The following KCNMA1 variants were observed in gnomAD, a reference collection of about 807,000 sequenced individuals.
KCNMA1 encodes Calcium-activated potassium channel subunit alpha-1.
Under a neutral mutation model 140.0 loss-of-function variants are expected in KCNMA1, and 29 were observed. The observed-to-expected ratio is 0.21, with a 90% CI of 0.15 to 0.28. The LOEUF (loss-of-function observed/expected upper bound fraction) is 0.28, where lower values mean the gene tolerates loss of function less well. KCNMA1 is among the 10% of genes least tolerant of loss of function. The pLI is 1.00. For synonymous variants in KCNMA1, 612 were observed against 611.9 expected, an observed-to-expected ratio of 1.00 and a Z score of 0.00; for missense variants, 880 against 1,602.2, an observed-to-expected ratio of 0.55 and a Z score of 7.70.
intron 1 of KCNMA1, among the ~76,000 whole-genome samples, chr10:77,572,569 C>CTATCTATATAT (rs2071879711): frequency 5.3e-5 from 2 of 37,568 alleles, no homozygotes; most frequent in African/African-American, 2.2e-4. Flanking sequence ...AAAAAAAATC[C>CTATCTATATAT]ATATATATAT....
chr10:77,456,728 G>T (rs948978725), intron 1 of KCNMA1, among the ~76,000 whole-genome samples: 1 of 152,158 alleles, frequency 6.6e-6, no homozygotes, highest in African/African-American at 2.4e-5. Flanking sequence ...CTGCAGAAGT[G>T]CACTGTGGAA....
At chr10:77,420,575 C>T (rs888733912) in intron 1 of KCNMA1, among the ~76,000 whole-genome samples, 4 of 152,174 alleles carry the variant, frequency 2.6e-5, no homozygotes, top group South Asian at 2.1e-4. Context: ...ATCAGTCTCC[C>T]GGCTAAGAAC....
rs371849929 is a variant in KCNMA1, at chr10:77,166,411, A to G, written c.808+17010T>C. On this transcript the variant is annotated intron_variant, in intron 5 of 27. Transcript: ENST00000286628. The stretch of plus-strand genomic sequence containing the variant: ...CTTTGTGGTGGATACTGGGCAACAG[A>G]TGTGGTAAGAAGGGGAGCAGCCCAA... Among the ~76,000 whole-genome samples the G allele has an allele frequency of 5.3e-5, 8 of 152,286 alleles. No individual in the cohort carries two copies. The East Asian group carries it at 1.2e-3, about 22-fold the overall frequency.
chr10:76,966,152 G>C (rs955233898), intron 20 of KCNMA1, among the ~76,000 whole-genome samples: 13 of 152,318 alleles, frequency 8.5e-5, no homozygotes, highest in African/African-American at 3.1e-4. Flanking sequence ...ATGACAACTT[G>C]CACACAGTAG....
At position 77,308,582 on chromosome 10, in the gene KCNMA1, C is replaced by A. The variant is rs772804003; in HGVS notation, c.541-57326G>T. Among the ~76,000 whole-genome samples the A allele has an allele frequency of 2.0e-5, 3 of 152,152 alleles. No homozygotes were observed. The East Asian group carries it at 5.8e-4, about 29-fold the overall frequency. On this transcript the variant is annotated intron_variant, in intron 2 of 27. Coordinates refer to ENST00000286628, the MANE Select transcript of KCNMA1 (RefSeq NM_001161352.2). The stretch of plus-strand genomic sequence containing the variant: ...CAGCTGTTCCAGATAACAGCAAAGT[C>A]GACAATTCCAGCTGCCGCCTTGTCA...
chr10:77,416,343 G>C (rs2096741748), intron 1 of KCNMA1, among the ~76,000 whole-genome samples: 1 of 152,124 alleles, frequency 6.6e-6, no homozygotes, highest in Non-Finnish European at 1.5e-5. Context: ...AGCATTTTCA[G>C]AGCTCAGGGC....
chr10:76,977,757 C>A (rs1269413669), intron 19 of KCNMA1: 8 of 647,410 alleles, frequency 1.2e-5, no homozygotes, highest in Middle Eastern at 2.7e-4. Context: ...TACCACCCAA[C>A]CTGCTATTAG....
chr10:77,613,450 G>A (rs1345699350), intron 1 of KCNMA1, among the ~76,000 whole-genome samples: 1 of 152,170 alleles, frequency 6.6e-6, no homozygotes, highest in Admixed American at 6.5e-5. Context: ...GACCACATGG[G>A]CAACAAGTGA....
chr10:77,007,018 C>T (rs2089012946), intron 18 of KCNMA1, among the ~76,000 whole-genome samples: 5 of 152,210 alleles, frequency 3.3e-5, no homozygotes, highest in Admixed American at 3.3e-4. Flanking sequence ...AATGAGGGGA[C>T]TGAATTTGAA....
At chr10:77,137,654 T>C (rs1009609988) in intron 5 of KCNMA1, among the ~76,000 whole-genome samples, 1 of 152,184 alleles carries the variant, frequency 6.6e-6, no homozygotes, top group Admixed American at 6.5e-5. Flanking sequence ...ACTGTCTCGC[T>C]TCCTCTCAAA....
chr10:76,887,371 C>G lies in KCNMA1; in HGVS notation c.3606G>C (p.Lys1202Asn). The change falls in exon 28 of 28, where the codon AAG becomes AAC. Residue 1202 changes from lysine (K) to asparagine (N), a missense_variant. By Grantham distance (94) the Lys-to-Asn change is moderately conservative. Around this residue, in one of 13 missense-constraint regions of KCNMA1, gnomAD observed 115 missense variants for 139.9 expected, o/e 0.82. Coordinates refer to ENST00000286628, the MANE Select transcript of KCNMA1 (RefSeq NM_001161352.2). Reference sequence around the variant, plus strand: ...ATGGGATGGAGTGAACAGAGGAGCTCTTCTTGCTGGAGGACTGCGACGAGT... The same window carrying G: ...ATGGGATGGAGTGAACAGAGGAGCTGTTCTTGCTGGAGGACTGCGACGAGT... ...SSHSSQSSSKKSSSVHSIPST... is the reference protein window; with the variant it reads ...SSHSSQSSSKNSSSVHSIPST... The G allele has an allele frequency of 6.2e-7, 1 of 1,614,118 alleles. No individual in the cohort carries two copies. The highest frequency in any genetic ancestry group is 8.5e-7 in the Non-Finnish European group (1 of 1,180,030).
At chr10:77,272,978 T>G (rs776968838) in intron 2 of KCNMA1, among the ~76,000 whole-genome samples, 1 of 152,230 alleles carries the variant, frequency 6.6e-6, no homozygotes, top group Non-Finnish European at 1.5e-5. Flanking sequence ...GGACCTATTA[T>G]AAGCGCCAGA....
At chr10:77,632,504 T>C (rs560953179) in intron 1 of KCNMA1, among the ~76,000 whole-genome samples, 11 of 152,266 alleles carry the variant, frequency 7.2e-5, no homozygotes, top group African/African-American at 2.6e-4. Context: ...CGTCCACTGA[T>C]ACCCCACCAT....
chr10:77,611,625 G>C (rs1194773420), intron 1 of KCNMA1, among the ~76,000 whole-genome samples: 1 of 143,136 alleles, frequency 7.0e-6, no homozygotes, highest in African/African-American at 2.6e-5. Flanking sequence ...CATTAAGTGT[G>C]ACTTATTATC....
chr10:77,148,119 A>G (rs1028429613), intron 5 of KCNMA1, among the ~76,000 whole-genome samples: 3 of 152,104 alleles, frequency 2.0e-5, no homozygotes, highest in Admixed American at 2.0e-4. Context: ...CTCATCCTGC[A>G]CCTGCCATGA....
chr10:77,495,446 G>A (rs946337820), intron 1 of KCNMA1, among the ~76,000 whole-genome samples: 22 of 152,216 alleles, frequency 1.4e-4, no homozygotes, highest in African/African-American at 5.3e-4. Flanking sequence ...GGCCCCAGTG[G>A]CAGTCAACCA....
chr10:77,458,156 T>A (rs1603624650), intron 1 of KCNMA1, among the ~76,000 whole-genome samples: 1 of 152,208 alleles, frequency 6.6e-6, no homozygotes, highest in Admixed American at 6.5e-5. Context: ...CTGAATTCCA[T>A]CAGCCACAAG....
chr10:77,357,447 A>G (rs1169474049), intron 2 of KCNMA1, among the ~76,000 whole-genome samples: 1 of 152,210 alleles, frequency 6.6e-6, no homozygotes, highest in African/African-American at 2.4e-5. Context: ...TAGCCCACTG[A>G]AAGGGAGAGA....
At chr10:77,138,115 C>T (rs945655962) in intron 5 of KCNMA1, among the ~76,000 whole-genome samples, 3 of 152,188 alleles carry the variant, frequency 2.0e-5, no homozygotes, top group African/African-American at 7.2e-5. Context: ...ACTGCTTCCA[C>T]CACCCCTTGT....
Sources: gnomAD v4.1 joint callset for allele counts (sites outside exome capture counted in the v4.1 genomes callset) on GRCh38, gnomAD v4.1.1 for gene constraint, gnomAD v4.1.1 regional missense constraint, MANE v1.5 for transcripts, NCBI Gene and HGNC (gene_info 2026-07-23, HGNC 2026-07-21) for gene names.